Variants in COL7A1 observed in about 807,000 individuals in gnomAD.
The protein encoded by COL7A1 is collagen type VII alpha 1 chain.
A neutral mutation model predicts 456.2 loss-of-function variants in COL7A1; 296 were observed. The observed-to-expected ratio is 0.65, with a 90% CI of 0.59 to 0.71. The LOEUF (loss-of-function observed/expected upper bound fraction) is 0.71, where lower values mean the gene tolerates loss of function less well. Ranked by LOEUF, COL7A1 falls within the 30% of genes least tolerant of loss-of-function variation. COL7A1 has a pLI of 0.00. For missense variants in COL7A1, 3,441 were observed against 4,017.2 expected (o/e 0.86, Z 3.88); for synonymous variants, 1,464 against 1,525.9 (o/e 0.96, Z 0.95).
intron 65 of COL7A1, among the ~76,000 whole-genome samples, chr3:48,577,810 C>G (rs532624794): frequency 6.6e-6 from 1 of 152,328 alleles, no homozygotes; most frequent in South Asian, 2.1e-4. Flanking sequence ...CCCATCCTGG[C>G]ATAAATTGGC....
At chr3:48,582,219 T>A (rs2044812045) in intron 47 of COL7A1, 104 bp downstream of exon 47, 10 of 1,595,320 alleles carry the variant, frequency 6.3e-6, no homozygotes, top group Non-Finnish European at 7.7e-6. Flanking sequence ...CCCAGCCTGC[T>A]CACGGGCCCA....
chr3:48,578,331 T>C lies in COL7A1; in HGVS notation c.5522A>G (p.Asn1841Ser). Reference sequence around the variant, plus strand: ...CCTGGACACACTCACGTTTTTTCCATTCAGGCCAGGTTTGCCATCCTCGCC... The same window carrying C: ...CCTGGACACACTCACGTTTTTTCCACTCAGGCCAGGTTTGCCATCCTCGCC... Reference protein sequence around the residue: ...KPGEDGKPGLNGKNGEPGDPG... With the variant: ...KPGEDGKPGLSGKNGEPGDPG... Residue 1841 changes from asparagine (N) to serine (S), a missense_variant, in exon 65 of 119, where the codon AAT (asparagine) becomes AGT (serine). This residue lies in a region of COL7A1 where 2,084 missense variants were observed against 2,501.3 expected (regional missense o/e 0.83). Transcript: ENST00000681320. This position sits in a 1 kb window ranked among gnomAD's most constrained non-coding sequence, Gnocchi z 4.7. 1 of 1,612,720 alleles carries C rather than the reference T, an allele frequency of 6.2e-7. No individual in the cohort carries two copies. The highest frequency in any genetic ancestry group is 8.5e-7 in the Non-Finnish European group (1 of 1,180,022).
Position 48,566,442 on chromosome 3 carries a change from G to A in COL7A1, c.8358+68C>T. 6.2e-7 allele frequency: 1 copy of A among 1,610,478 alleles called. No homozygotes were observed. The highest frequency in any genetic ancestry group is 8.5e-7 in the Non-Finnish European group (1 of 1,177,462). On this transcript the variant is annotated intron_variant, in intron 113 of 118. Coordinates refer to ENST00000681320, the MANE Select transcript of COL7A1 (RefSeq NM_000094.4). The surrounding 1 kb of genome is among the most constrained non-coding windows in gnomAD (Gnocchi z 5.9). ...GCCCAGGGGTCAGGGTGCTGGGTGA[G>A]GGAGGTAGGGCCCCAGCCCACCCAG...
Position 48,585,587 on chromosome 3 carries a change from G to A in COL7A1, c.3864C>T (p.Pro1288=). ...CGCCCTTGGCAGTGGCACTTCCAGG[G>A]GGCCCCTGGGGGCCGGGAGCACCGG... ...GRTGAPGPQG[P]PGSATAKGER... is the part of the protein sequence containing the mutation. The change falls in exon 32 of 119, where the codon CCC becomes CCT. Residue 1288 remains proline (P), a synonymous_variant. Coordinates refer to ENST00000681320, the MANE Select transcript of COL7A1 (RefSeq NM_000094.4). This position sits in a 1 kb window ranked among gnomAD's most constrained non-coding sequence, Gnocchi z 4.5. The A allele has an allele frequency of 6.2e-7, 1 of 1,613,934 alleles. No homozygotes were observed. The highest frequency in any genetic ancestry group is 8.5e-7 in the Non-Finnish European group (1 of 1,180,014).
chr3:48,592,913 T>C lies in COL7A1; in HGVS notation c.708A>G (p.Arg236=). The C allele has an allele frequency of 6.2e-7, 1 of 1,613,978 alleles. No homozygotes were observed. The highest frequency in any genetic ancestry group is 8.5e-7 in the Non-Finnish European group (1 of 1,180,008). ...RPPDDSTSAP[R]DLVLSEPSSQ... ...TGCTTGGCTCAGACAGCACCAGGTC[T>C]CGTGGAGCAGAGGTCGAGTCATCCG... Residue 236 remains arginine, a synonymous_variant, in exon 7 of 119, where the codon CGA becomes CGG. Transcript: ENST00000681320. The surrounding 1 kb of genome is among the most constrained non-coding windows in gnomAD (Gnocchi z 7.6).
rs1427491396 is a variant in COL7A1 at position 48,568,351 on chromosome 3, T to G, written c.7794+148A>C. 2.9e-6 allele frequency: 3 copies of G among 1,052,506 alleles called. No homozygotes were observed. The highest frequency in any genetic ancestry group is 4.3e-6 in the Non-Finnish European group (3 of 698,304). The allele number at this position is 1,052,506 out of a possible 1,614,324, so 65.2% of individuals were successfully genotyped here. ...AGGGGACACCATCATAGGCGGCTAC[T>G]GTGGAGGTGGGGGACCCTGGGTGAC... On this transcript the variant is annotated intron_variant, in intron 105 of 118. Transcript: ENST00000681320. This position sits in a 1 kb window ranked among gnomAD's most constrained non-coding sequence, Gnocchi z 5.2.
Position 48,568,825 on chromosome 3 carries a change from A to G in COL7A1, c.7717T>C (p.Ser2573Pro). The G allele has an allele frequency of 1.3e-6, 2 of 1,577,060 alleles. No homozygotes were observed. Among genetic ancestry groups the G allele is most frequent in the Non-Finnish European group, 1.7e-6 (2 of 1,160,286 alleles). ...CCACGCAGTCCTGGCAACCCGGCTG[A>G]GCCCTTGTCACCAGGCTCTCCCTTG... ...GSKGEPGDKG[S>P]AGLPGLRGLL... is the part of the protein sequence containing the mutation. The change falls in exon 104 of 119, where the codon TCA becomes CCA. Residue 2573 changes from serine to proline, a missense_variant. This residue lies in a region of COL7A1 where 2,084 missense variants were observed against 2,501.3 expected (regional missense o/e 0.83). Transcript: ENST00000681320. The surrounding 1 kb of genome is among the most constrained non-coding windows in gnomAD (Gnocchi z 5.2).
rs2045191269 is a variant in COL7A1 at position 48,585,664 on chromosome 3, C to G, written c.3831+26G>C. 2 of 1,613,896 alleles carry G rather than the reference C, an allele frequency of 1.2e-6. No individual in the cohort carries two copies. Among genetic ancestry groups the G allele is most frequent in the Non-Finnish European group, 8.5e-7 (1 of 1,180,008 alleles). ...AGGTGGGGATAAGCCAGTCAGGGTG[C>G]AGGGACAGATGTGGGGGACACTCAC... is the stretch of plus-strand genomic sequence containing the variant. On this transcript the variant is annotated intron_variant, in intron 31 of 118. Transcript: ENST00000681320. The surrounding 1 kb of genome is among the most constrained non-coding windows in gnomAD (Gnocchi z 4.5).
chr3:48,591,463 C>A lies in COL7A1; in HGVS notation c.1636+1G>T. 6.2e-7 allele frequency: 1 copy of A among 1,613,324 alleles called. No homozygotes were observed. The highest frequency in any genetic ancestry group is 1.3e-5 in the African/African-American group (1 of 74,988). On this transcript the variant is annotated splice_donor_variant, in intron 13 of 118. Transcript: ENST00000681320. LOFTEE classifies it high-confidence loss of function. The surrounding 1 kb of genome is among the most constrained non-coding windows in gnomAD (Gnocchi z 7.0). ...GGGGGTGCTGGCTGCGTCCACCTCACCCTGGGTGCTGCGCACAATGATGCG... is the reference window on the plus strand; with the variant it reads ...GGGGGTGCTGGCTGCGTCCACCTCAACCTGGGTGCTGCGCACAATGATGCG...
At position 48,574,042 on chromosome 3, in the gene COL7A1, C is replaced by G. The variant is rs2044114639; in HGVS notation, c.6502-152G>C. The stretch of plus-strand genomic sequence containing the variant: ...CCCATGGACTGCCTCTCATAGATAG[C>G]ACACACGGGCCTGCACACACACATC... On this transcript the variant is annotated intron_variant, in intron 80 of 118. Transcript: ENST00000681320. This position sits in a 1 kb window ranked among gnomAD's most constrained non-coding sequence, Gnocchi z 5.0. 3.6e-6 allele frequency: 4 copies of G among 1,126,302 alleles called. No homozygotes were observed. The highest frequency in any genetic ancestry group is 5.2e-6 in the Non-Finnish European group (4 of 767,950). The allele number at this position is 1,126,302 out of a possible 1,614,324, so 69.8% of individuals were successfully genotyped here.
chr3:48,565,441 A>T lies in COL7A1; in HGVS notation c.8496T>A (p.Pro2832=). 2 of 1,612,842 alleles carry T rather than the reference A, an allele frequency of 1.2e-6. No individual in the cohort carries two copies. The highest frequency in any genetic ancestry group is 1.7e-6 in the Non-Finnish European group (2 of 1,179,462). Residue 2832 remains proline (P), a synonymous_variant, in exon 116 of 119, where the codon CCT becomes CCA. Transcript: ENST00000681320. This position sits in a 1 kb window ranked among gnomAD's most constrained non-coding sequence, Gnocchi z 4.5. Reference sequence around the variant, plus strand: ...CCTCTGCATGAGAGACGCGGAGCACAGGCACAGCATGGAGCTGGGAGCCGG... The same window carrying T: ...CCTCTGCATGAGAGACGCGGAGCACTGGCACAGCATGGAGCTGGGAGCCGG... The part of the protein sequence containing the change: ...DTAGSQLHAV[P]VLRVSHAEEE...
At position 48,571,849 on chromosome 3, in the gene COL7A1, G is replaced by A. The variant is rs956619492; in HGVS notation, c.7068+152C>T. On this transcript the variant is annotated intron_variant, in intron 92 of 118. Transcript: ENST00000681320. The surrounding 1 kb of genome is among the most constrained non-coding windows in gnomAD (Gnocchi z 4.6). ...AGAGTGTGGAAGCCGACAGTGTGTG[G>A]CTCCCTGTGATCCAGAGAGCAGGCT... The A allele has an allele frequency of 5.5e-5, 51 of 932,146 alleles. 1 individual carries two copies. In the Admixed American group the frequency reaches 1.0e-3, roughly 19 times the overall value. The allele number at this position is 932,146 out of a possible 1,614,324, so 57.7% of individuals were successfully genotyped here. A position where few individuals can be genotyped will look rare whatever the true frequency, so the allele number is the denominator to read the frequency against.
In COL7A1 at chr3:48,578,871, C is replaced by T; in HGVS notation, c.5424+48G>A. On this transcript the variant is annotated intron_variant, in intron 63 of 118. Transcript: ENST00000681320. This position sits in a 1 kb window ranked among gnomAD's most constrained non-coding sequence, Gnocchi z 4.7. Reference sequence around the variant, plus strand: ...TGTGACTATGATGATCTGGTTGGAGCTTACGCAGCCCCGAGCCCCCTCTGT... The same window carrying T: ...TGTGACTATGATGATCTGGTTGGAGTTTACGCAGCCCCGAGCCCCCTCTGT... 1.3e-5 allele frequency: 21 copies of T among 1,586,128 alleles called. No individual in the cohort carries two copies. The highest frequency in any genetic ancestry group is 1.7e-5 in the Non-Finnish European group (20 of 1,164,752).
Position 48,590,798 on chromosome 3 carries a change from A to C in COL7A1, c.1655T>G (p.Val552Gly), listed in dbSNP as rs908799201. ...RSTQGVERTL[V>G]LPGSQTAFDL... ...GAATGCTGTCTGACTCCCAGGAAGC[A>C]CCAGGGTCCGCTCAACCCCTAAGAG... Residue 552 changes from valine (V) to glycine (G), a missense_variant, in exon 14 of 119, where the codon GTG (valine) becomes GGG (glycine). Around this residue, in one of 3 missense-constraint regions of COL7A1, gnomAD observed 913 missense variants for 1,088.2 expected, o/e 0.84. Coordinates refer to ENST00000681320, the MANE Select transcript of COL7A1 (RefSeq NM_000094.4). The surrounding 1 kb of genome is among the most constrained non-coding windows in gnomAD (Gnocchi z 4.6). 1 of 1,613,548 alleles carries C rather than the reference A, an allele frequency of 6.2e-7. No individual in the cohort carries two copies. Among genetic ancestry groups the C allele is most frequent in the Admixed American group, 1.7e-5 (1 of 59,990 alleles).
At position 48,574,116 on chromosome 3, in the gene COL7A1, C is replaced by T. The variant is rs920987096; in HGVS notation, c.6501+146G>A. Reference sequence around the variant, plus strand: ...AGGCACACACAGGCACACACAGACACAGGCACACACAAGCAGGCACACACA... The same window carrying T: ...AGGCACACACAGGCACACACAGACATAGGCACACACAAGCAGGCACACACA... On this transcript the variant is annotated intron_variant, in intron 80 of 118. Coordinates refer to ENST00000681320, the MANE Select transcript of COL7A1 (RefSeq NM_000094.4). This position sits in a 1 kb window ranked among gnomAD's most constrained non-coding sequence, Gnocchi z 5.0. 6 of 1,164,080 alleles carry T rather than the reference C, an allele frequency of 5.2e-6. No homozygotes were observed. Among genetic ancestry groups the T allele is most frequent in the African/African-American group, 3.0e-5 (2 of 65,932 alleles). The allele number at this position is 1,164,080 out of a possible 1,614,324, so 72.1% of individuals were successfully genotyped here. A position where few individuals can be genotyped will look rare whatever the true frequency, so the allele number is the denominator to read the frequency against.
chr3:48,584,895 G>A lies in COL7A1; in HGVS notation c.4011+15C>T. 2.5e-6 allele frequency: 4 copies of A among 1,614,050 alleles called. No individual in the cohort carries two copies. The highest frequency in any genetic ancestry group is 3.4e-6 in the Non-Finnish European group (4 of 1,180,002). ...GGGAAGACACTTAGAGAGCAAAGAA[G>A]GGAAGGCACCTTACCGGGTCCCCAC... is the stretch of plus-strand genomic sequence containing the variant. On this transcript the variant is annotated intron_variant, in intron 34 of 118. Coordinates refer to ENST00000681320, the MANE Select transcript of COL7A1 (RefSeq NM_000094.4).
Position 48,592,145 on chromosome 3 carries a change from A to G in COL7A1, c.1197T>C (p.Phe399=). Residue 399 remains phenylalanine, a synonymous_variant, in exon 10 of 119, where the codon TTT becomes TTC. Coordinates refer to ENST00000681320, the MANE Select transcript of COL7A1 (RefSeq NM_000094.4). The surrounding 1 kb of genome is among the most constrained non-coding windows in gnomAD (Gnocchi z 7.6). The part of the protein sequence containing the change: ...TDYEVTVSTL[F]GRSVGPATSL... ...AAGTGGCGGGCCCCACACTGCGGCC[A>G]AATAGGGTGCTCACGGTCACCTCAT... 6.2e-7 allele frequency: 1 copy of G among 1,614,052 alleles called. No homozygotes were observed. The highest frequency in any genetic ancestry group is 8.5e-7 in the Non-Finnish European group (1 of 1,180,004).
chr3:48,593,495 A>C lies in COL7A1; in HGVS notation c.426+42T>G. On this transcript the variant is annotated intron_variant, in intron 4 of 118. Transcript: ENST00000681320. The surrounding 1 kb of genome is among the most constrained non-coding windows in gnomAD (Gnocchi z 4.4). ...AAATCACGGTTCCCCTGGACACTTC[A>C]TTTGGGGTCATCTTGGGAGGCATGG... 1 of 1,613,990 alleles carries C rather than the reference A, an allele frequency of 6.2e-7. No homozygotes were observed. The highest frequency in any genetic ancestry group is 8.5e-7 in the Non-Finnish European group (1 of 1,179,990).
In COL7A1 at chr3:48,593,299, A is replaced by G. The variant is rs377604071; in HGVS notation, c.521-36T>C. 719 of 1,613,824 alleles carry G rather than the reference A, an allele frequency of 4.5e-4. 10 individuals are homozygous for G. In the Admixed American group the frequency reaches 0.012, roughly 26 times the overall value. On this transcript the variant is annotated intron_variant, in intron 5 of 118. Transcript: ENST00000681320. This position sits in a 1 kb window ranked among gnomAD's most constrained non-coding sequence, Gnocchi z 4.4. ...GACCCATCAGGACTCAGTCACCCAC[A>G]TGCTCTCTGACTGCCCCCACCCCCC...
Sources: allele counts gnomAD v4.1 joint callset (sites outside exome capture counted in the v4.1 genomes callset), GRCh38; gene constraint gnomAD v4.1.1; regional missense constraint gnomAD v4.1.1; non-coding constraint Gnocchi (gnomAD v3.1); transcripts MANE v1.5; gene names NCBI Gene and HGNC (gene_info 2026-07-23, HGNC 2026-07-21).